The following RIPK2 variants were observed in gnomAD, a reference collection of about 807,000 sequenced individuals.
RIPK2 encodes the protein receptor interacting serine/threonine kinase 2.
In RIPK2, 38 loss-of-function variants were observed where a neutral mutation model predicts 60.9. The observed-to-expected ratio is 0.62, with a 90% CI of 0.48 to 0.82. The LOEUF is 0.82. RIPK2 is among the 40% of genes least tolerant of loss of function. The probability of loss-of-function intolerance (pLI) is 0.00; values close to 1 mark genes in which losing one functional copy is unlikely to be tolerated. For missense variants in RIPK2, 518 were observed against 647.0 expected, an observed-to-expected ratio of 0.80 and a Z score of 2.16; for synonymous variants, 225 against 223.4, an observed-to-expected ratio of 1.01 and a Z score of -0.06.
intron 2 of RIPK2, among the ~76,000 whole-genome samples, chr8:89,764,083 G>T (rs1809187768): frequency 6.6e-6 from 1 of 152,074 alleles, no homozygotes; most frequent in Non-Finnish European, 1.5e-5. Flanking sequence ...TCTCTCCCTT[G>T]TCTCCATGAT....
At position 89,762,857 on chromosome 8, in the gene RIPK2, G is replaced by T; in HGVS notation, c.202G>T (p.Glu68Ter). 1 of 1,486,094 alleles carries T rather than the reference G, an allele frequency of 6.7e-7. No homozygotes were observed. 92.1% of individuals were successfully genotyped at this position (1,486,094 alleles called of 1,614,324 possible). A position where few individuals can be genotyped will look rare whatever the true frequency, so the allele number is the denominator to read the frequency against. Reference sequence around the variant, plus strand: ...AAGAAAGGATGTCTTAAGAGAAGCTGAAATTTTACACAAAGCTAGATTTAG... The same window carrying T: ...AAGAAAGGATGTCTTAAGAGAAGCTTAAATTTTACACAAAGCTAGATTTAG... ...SERKDVLREA[E>*]ILHKARFSYI... Residue 68 changes from glutamate to a stop codon, truncating the protein, a stop_gained, in exon 2 of 11, where the codon GAA becomes TAA. Transcript: ENST00000220751. LOFTEE classifies it high-confidence loss of function.
In RIPK2 at chr8:89,780,116, G is replaced by A; in HGVS notation, c.895G>A (p.Glu299Lys). 1.3e-6 allele frequency: 2 copies of A among 1,575,676 alleles called. No homozygotes were observed. ...ELEPVLRTFE[E>K]ITFLEAVIQL... ...TGAACCAGTTTTGAGAACATTTGAAGAGATAACTTTTCTTGAAGCTGTTAT... is the reference window on the plus strand; with the variant it reads ...TGAACCAGTTTTGAGAACATTTGAAAAGATAACTTTTCTTGAAGCTGTTAT... Residue 299 changes from glutamate to lysine, a missense_variant, in exon 7 of 11, where the codon GAG becomes AAG. Physicochemically the swap from Glu to Lys is moderately conservative, Grantham distance 56. Around this residue, in one of 3 missense-constraint regions of RIPK2, gnomAD observed 448 missense variants for 534.7 expected, o/e 0.84. Coordinates refer to ENST00000220751, the MANE Select transcript of RIPK2 (RefSeq NM_003821.6).
intron 9 of RIPK2, among the ~76,000 whole-genome samples, chr8:89,787,071 C>T (rs555942978): frequency 7.9e-5 from 12 of 151,888 alleles, no homozygotes; most frequent in African/African-American, 2.7e-4. Flanking sequence ...GAGGCTGAGG[C>T]GGAAAGATCG....
chr8:89,774,653 TACA>T (rs1783922201), intron 6 of RIPK2, among the ~76,000 whole-genome samples: 2 of 152,174 alleles, frequency 1.3e-5, no homozygotes, highest in South Asian at 2.1e-4. Flanking sequence ...CTGCTACTAC[TACA>T]ACAATACATG....
At position 89,758,584 on chromosome 8, in the gene RIPK2, T is replaced by A. The variant is rs184506654; in HGVS notation, c.173+351T>A. On this transcript the variant is annotated intron_variant, in intron 1 of 10. Coordinates refer to ENST00000220751, the MANE Select transcript of RIPK2 (RefSeq NM_003821.6). ...CTGGGTTTACTGAAATTGATGTGTG[T>A]TTATATATAGTGGGTGTGGGTTTTG... Among the ~76,000 whole-genome samples the A allele has an allele frequency of 3.4e-3, 514 of 152,260 alleles. 2 individuals carry two copies. The highest frequency in any genetic ancestry group is 6.0e-3 in the Non-Finnish European group (408 of 67,992).
intron 6 of RIPK2, among the ~76,000 whole-genome samples, chr8:89,773,320 A>G (rs1215942166): frequency 6.6e-6 from 1 of 152,306 alleles, no homozygotes; most frequent in East Asian, 1.9e-4. Flanking sequence ...TTGAAGCTTG[A>G]AAAAGAGCCA....
At chr8:89,789,237 T>G (rs1051619608) in intron 9 of RIPK2, 84 bp from the exon 10 acceptor site, 2 of 1,167,896 alleles carry the variant, frequency 1.7e-6, no homozygotes, top group Non-Finnish European at 2.5e-6. Flanking sequence ...GAGCCTACCT[T>G]CTGTCTGCTC....
In RIPK2 at chr8:89,762,943, A is replaced by G. The variant is rs1424536831; in HGVS notation, c.288A>G (p.Glu96=). ...NEPEFLGIVT[E]YMPNGSLNEL... ...CTGAATTTTTGGGAATAGTTACTGA[A>G]TACATGCCAAATGGATCATTAAATG... The change falls in exon 2 of 11, where the codon GAA becomes GAG. Residue 96 remains glutamate (E), a synonymous_variant. Coordinates refer to ENST00000220751, the MANE Select transcript of RIPK2 (RefSeq NM_003821.6). 6.5e-7 allele frequency: 1 copy of G among 1,534,706 alleles called. No homozygotes were observed. Among genetic ancestry groups the G allele is most frequent in the Admixed American group, 1.8e-5 (1 of 54,418 alleles).
At chr8:89,776,996 G>A (rs763865402) in intron 6 of RIPK2, among the ~76,000 whole-genome samples, 1 of 152,218 alleles carries the variant, frequency 6.6e-6, no homozygotes, top group Non-Finnish European at 1.5e-5. Context: ...GTTTCTAGAT[G>A]CAGCATGGGG....
chr8:89,778,518 C>T (rs1809440225), intron 6 of RIPK2, among the ~76,000 whole-genome samples: 1 of 152,284 alleles, frequency 6.6e-6, no homozygotes. Context: ...CTCTGTCTTT[C>T]TAGATTTGCC....
chr8:89,757,953 C>A lies in RIPK2; in HGVS notation c.-108C>A. The stretch of plus-strand genomic sequence containing the variant: ...TGTTGCGGGGCAAAAAGGGTCTTGC[C>A]GGCCTCGCTCGTGCAGGGGCGTATC... On this transcript the variant is annotated 5_prime_UTR_variant, in exon 1 of 11. Coordinates refer to ENST00000220751, the MANE Select transcript of RIPK2 (RefSeq NM_003821.6). 2 of 1,414,956 alleles carry A rather than the reference C, an allele frequency of 1.4e-6. No homozygotes were observed. Among genetic ancestry groups the A allele is most frequent in the Non-Finnish European group, 1.8e-6 (2 of 1,086,626 alleles). The allele number at this position is 1,414,956 out of a possible 1,614,324, so 87.7% of individuals were successfully genotyped here. A position where few individuals can be genotyped will look rare whatever the true frequency, so the allele number is the denominator to read the frequency against.
intron 3 of RIPK2, among the ~76,000 whole-genome samples, chr8:89,767,561 T>C (rs1319489951): frequency 1.3e-5 from 2 of 151,738 alleles, no homozygotes; most frequent in South Asian, 2.1e-4. Context: ...CCATCAATTA[T>C]AGAACCATCA....
rs143853580 is a variant in RIPK2, at chr8:89,785,193, G to A, written c.1029+1054G>A. 2.0e-3 allele frequency among the ~76,000 whole-genome samples: 312 copies of A among 152,306 alleles called. 1 individual carries two copies. Among genetic ancestry groups the A allele is most frequent in the African/African-American group, 7.2e-3 (300 of 41,548 alleles). On this transcript the variant is annotated intron_variant, in intron 8 of 10. Transcript: ENST00000220751. The stretch of plus-strand genomic sequence containing the variant: ...GGTCGCAGTCAAAACATTGTTTCAT[G>A]GGTGGACACGATGGCTCAAGTCTGT...
Position 89,758,224 on chromosome 8 carries a change from T to G in RIPK2, c.164T>G (p.Leu55Arg), listed in dbSNP as rs1334235676. 1.2e-6 allele frequency: 2 copies of G among 1,606,076 alleles called. No homozygotes were observed. The highest frequency in any genetic ancestry group is 4.5e-5 in the East Asian group (2 of 44,582). The change falls in exon 1 of 11, where the codon CTG becomes CGG. Residue 55 changes from leucine to arginine, a missense_variant. Physicochemically the swap from Leu to Arg is moderately radical, Grantham distance 102. Transcript: ENST00000220751. The part of the protein sequence containing the change: ...AVKHLHIHTP[L>R]LDSERKDVLR... ...AAGCACCTGCACATCCACACTCCGC[T>G]GCTCGACAGGTAGGCAGTCACTGGG...
rs201971248 is a variant in RIPK2, at chr8:89,790,724, A to C, written c.*308A>C. On this transcript the variant is annotated 3_prime_UTR_variant, in exon 11 of 11. Transcript: ENST00000220751. The stretch of plus-strand genomic sequence containing the variant: ...TATTTCTGATGGAAGCCATTTTCAC[A>C]TTCATGTTCTTCATGGATTATTTGT... 4.4e-6 allele frequency: 1 copy of C among 229,076 alleles called. No individual in the cohort carries two copies. The allele number at this position is 229,076 out of a possible 1,614,324, so 14.2% of individuals were successfully genotyped here.
At chr8:89,767,883 A>G (rs1024766793) in intron 3 of RIPK2, among the ~76,000 whole-genome samples, 5 of 151,822 alleles carry the variant, frequency 3.3e-5, no homozygotes, top group African/African-American at 7.2e-5. Flanking sequence ...TCCCTGATAA[A>G]TACCCTTTAG....
At chr8:89,765,864 C>G (rs1006224082) in intron 3 of RIPK2, among the ~76,000 whole-genome samples, 1 of 151,592 alleles carries the variant, frequency 6.6e-6, no homozygotes, top group Non-Finnish European at 1.5e-5. Context: ...TGTTATATCA[C>G]ACATAATTAT....
chr8:89,787,294 G>A (rs1271416367), intron 9 of RIPK2, among the ~76,000 whole-genome samples: 2 of 152,204 alleles, frequency 1.3e-5, no homozygotes, highest in South Asian at 2.1e-4. Flanking sequence ...TAAGAGAGAC[G>A]TGGATCTAGA....
intron 9 of RIPK2, among the ~76,000 whole-genome samples, 154 bp downstream of exon 9, chr8:89,786,840 T>G (rs1326026630): frequency 5.3e-5 from 8 of 151,710 alleles, no homozygotes; most frequent in Admixed American, 5.3e-4. Context: ...AAAATAGTAG[T>G]GTGATATTCA....
Sources: gnomAD v4.1 joint callset for allele counts (sites outside exome capture counted in the v4.1 genomes callset) on GRCh38, gnomAD v4.1.1 for gene constraint, gnomAD v4.1.1 regional missense constraint, MANE v1.5 for transcripts, NCBI Gene and HGNC (gene_info 2026-07-23, HGNC 2026-07-21) for gene names.